Variants in MTHFD1L observed in about 807,000 individuals in gnomAD.
The protein encoded by MTHFD1L is monofunctional C1-tetrahydrofolate synthase, mitochondrial.
MTHFD1L carries 81 observed loss-of-function variants against 119.5 expected under a neutral mutation model. The ratio of observed to expected loss-of-function variants is 0.68; its 90% CI spans 0.57 to 0.82. The LOEUF (loss-of-function observed/expected upper bound fraction) is 0.82, where lower values mean the gene tolerates loss of function less well. Ranked by LOEUF, MTHFD1L falls within the 40% of genes least tolerant of loss-of-function variation. The pLI is 0.00. For synonymous variants in MTHFD1L, 430 were observed against 475.2 expected, an observed-to-expected ratio of 0.90 and a Z score of 1.24; for missense variants, 1,125 against 1,253.4, an observed-to-expected ratio of 0.90 and a Z score of 1.55.
chr6:151,073,705 T>G (rs1176178925), intron 26 of MTHFD1L, among the ~76,000 whole-genome samples: 1 of 149,638 alleles, frequency 6.7e-6, no homozygotes, highest in Non-Finnish European at 1.5e-5. Context: ...AAAAAACTCT[T>G]AATTAATAGC....
At chr6:151,080,211 G>A (rs368997917) in intron 26 of MTHFD1L, among the ~76,000 whole-genome samples, 3 of 152,240 alleles carry the variant, frequency 2.0e-5, no homozygotes, top group South Asian at 4.1e-4. Flanking sequence ...TGGTCTCATA[G>A]TGTTTCTCTG....
chr6:151,004,507 G>A (rs777794992), intron 20 of MTHFD1L, among the ~76,000 whole-genome samples: 16 of 152,202 alleles, frequency 1.1e-4, no homozygotes, highest in African/African-American at 3.1e-4. Flanking sequence ...CGTTTCTGCC[G>A]TTATCATTGT....
At chr6:150,936,116 A>G (rs932609794) in intron 11 of MTHFD1L, among the ~76,000 whole-genome samples, 1 of 152,210 alleles carries the variant, frequency 6.6e-6, no homozygotes, top group African/African-American at 2.4e-5. Flanking sequence ...GGACTGTCAT[A>G]TGGAAAGGGA....
intron 26 of MTHFD1L, among the ~76,000 whole-genome samples, chr6:151,076,135 C>A (rs1792480859): frequency 6.6e-6 from 1 of 152,186 alleles, no homozygotes; most frequent in Non-Finnish European, 1.5e-5. Context: ...CTTTGACAGG[C>A]AGAGGCAGGA....
intron 26 of MTHFD1L, among the ~76,000 whole-genome samples, chr6:151,080,159 C>T (rs200562663): frequency 3.3e-5 from 5 of 151,958 alleles, no homozygotes; most frequent in Non-Finnish European, 7.4e-5. Flanking sequence ...GCCTGGATGA[C>T]GGAGTGAGAC....
intron 20 of MTHFD1L, among the ~76,000 whole-genome samples, chr6:150,992,108 A>G (rs1779134501): frequency 8.5e-5 from 13 of 152,108 alleles, no homozygotes; most frequent in Admixed American, 8.5e-4. Context: ...AAGTCATACC[A>G]CTTTTCTGAA....
intron 20 of MTHFD1L, among the ~76,000 whole-genome samples, chr6:150,990,447 TTTTA>T (rs1380750790): frequency 2.0e-5 from 3 of 152,086 alleles, no homozygotes; most frequent in African/African-American, 7.2e-5. Context: ...TTATTTTTAT[TTTTA>T]TTTTTTTCTT....
chr6:151,019,918 A>G (rs542924733), intron 24 of MTHFD1L, among the ~76,000 whole-genome samples: 2 of 152,308 alleles, frequency 1.3e-5, no homozygotes, highest in South Asian at 4.1e-4. Context: ...AACTTAAGTA[A>G]TGGTTTTCTG....
At chr6:150,978,765 TAC>T (rs1777002653) in intron 20 of MTHFD1L, among the ~76,000 whole-genome samples, 1 of 152,174 alleles carries the variant, frequency 6.6e-6, no homozygotes, top group Non-Finnish European at 1.5e-5. Context: ...ATCCTCATCT[TAC>T]AGATGATGTA....
chr6:151,027,902 C>T (rs1278546800), intron 24 of MTHFD1L, among the ~76,000 whole-genome samples: 3 of 152,160 alleles, frequency 2.0e-5, no homozygotes, highest in South Asian at 2.1e-4. Flanking sequence ...CAGCATGTGG[C>T]TGCAGGGTTG....
chr6:151,015,380 AAC>A (rs1390282756), intron 23 of MTHFD1L, 134 bp from the exon 24 acceptor site: 1 of 997,822 alleles, frequency 1.0e-6, no homozygotes, highest in Non-Finnish European at 1.5e-6. Flanking sequence ...GATTTATTTA[AAC>A]ACGATGTGAC....
intron 9 of MTHFD1L, 116 bp from the exon 10 acceptor site, chr6:150,922,089 T>C: frequency 2.7e-6 from 2 of 739,684 alleles, no homozygotes; most frequent in Non-Finnish European, 4.7e-6. Flanking sequence ...CCTGGCTTAT[T>C]GTGCGACTCG....
chr6:150,969,926 A>G (rs754204478), intron 19 of MTHFD1L, among the ~76,000 whole-genome samples: 1 of 152,236 alleles, frequency 6.6e-6, no homozygotes, highest in Admixed American at 6.5e-5. Context: ...AAAACACTGC[A>G]TTCACTTAAA....
At chr6:151,092,636 A>T (rs556653679) in intron 27 of MTHFD1L, 49 bp downstream of exon 27, 31 of 1,182,632 alleles carry the variant, frequency 2.6e-5, no homozygotes, top group Non-Finnish European at 3.5e-5. Context: ...TTTCCAGTTC[A>T]TATCCTTTTT....
chr6:150,918,658 T>C lies in MTHFD1L; in HGVS notation c.974T>C (p.Leu325Pro). ...EDDVILLAAA[L>P]RIQNMVSSGR... The stretch of plus-strand genomic sequence containing the variant: ...GATGTGATTCTCCTTGCTGCAGCTC[T>C]GCGAATTCAGGTTTGTTCAACATAG... The change falls in exon 9 of 28, where the codon CTG (leucine) becomes CCG (proline). Residue 325 changes from leucine to proline, a missense_variant. Leu to Pro is a moderately conservative substitution (Grantham distance 98). This residue lies in a region of MTHFD1L where 1,058 missense variants were observed against 1,151.2 expected (regional missense o/e 0.92). Coordinates refer to ENST00000367321, the MANE Select transcript of MTHFD1L (RefSeq NM_015440.5). 6.2e-7 allele frequency: 1 copy of C among 1,613,888 alleles called. No homozygotes were observed. The highest frequency in any genetic ancestry group is 8.5e-7 in the Non-Finnish European group (1 of 1,179,722).
chr6:150,874,397 C>T (rs924264974), intron 1 of MTHFD1L, among the ~76,000 whole-genome samples: 4 of 152,174 alleles, frequency 2.6e-5, no homozygotes, highest in African/African-American at 9.7e-5. Flanking sequence ...CCCCTAAAGC[C>T]CCGCCTGGGA....
rs903990340 is a variant in MTHFD1L at position 151,099,791 on chromosome 6, T to C, written c.*32-1735T>C. Reference sequence around the variant, plus strand: ...AACGTCAAGGAGCTGGAAGTGCTGCTGATGTGCAACAATCGTACTTGTGCC... The same window carrying C: ...AACGTCAAGGAGCTGGAAGTGCTGCCGATGTGCAACAATCGTACTTGTGCC... On this transcript the variant is annotated intron_variant, in intron 27 of 27. Coordinates refer to ENST00000367321, the MANE Select transcript of MTHFD1L (RefSeq NM_015440.5). 4 of 1,607,456 alleles carry C rather than the reference T, an allele frequency of 2.5e-6. No homozygotes were observed. In the African/African-American group the frequency reaches 4.0e-5, roughly 16 times the overall value.
chr6:151,022,966 T>C (rs1784150640), intron 24 of MTHFD1L, among the ~76,000 whole-genome samples: 1 of 152,086 alleles, frequency 6.6e-6, no homozygotes, highest in African/African-American at 2.4e-5. Flanking sequence ...TGGCCCCCTT[T>C]CCATGATCCA....
chr6:151,049,136 A>G (rs1481211689), intron 26 of MTHFD1L, among the ~76,000 whole-genome samples: 2 of 152,214 alleles, frequency 1.3e-5, no homozygotes, highest in Admixed American at 1.3e-4. Flanking sequence ...TAGGTGGATC[A>G]CTTGAGGTCG....
Sources: gnomAD v4.1 joint callset for allele counts (sites outside exome capture counted in the v4.1 genomes callset) on GRCh38, gnomAD v4.1.1 for gene constraint, gnomAD v4.1.1 regional missense constraint, MANE v1.5 for transcripts, NCBI Gene and HGNC (gene_info 2026-07-23, HGNC 2026-07-21) for gene names.